SHROOM4: variants seen among roughly 807,000 people sequenced by gnomAD.
SHROOM4 encodes protein Shroom4.
A neutral mutation model predicts 80.3 loss-of-function variants in SHROOM4; 17 were observed. The ratio of observed to expected loss-of-function variants is 0.21; its 90% CI spans 0.14 to 0.32. The LOEUF (loss-of-function observed/expected upper bound fraction) is 0.32. Ranked by LOEUF, SHROOM4 falls within the 10% of genes least tolerant of loss-of-function variation. The probability of loss-of-function intolerance (pLI) is 1.00; values close to 1 mark genes in which losing one functional copy is unlikely to be tolerated. For missense variants in SHROOM4, 993 were observed against 1,140.3 expected, an observed-to-expected ratio of 0.87 and a Z score of 1.86; for synonymous variants, 400 against 437.5, an observed-to-expected ratio of 0.91 and a Z score of 1.07.
At chrX:50,725,135 G>A (rs1934216448) in intron 1 of SHROOM4, among the ~76,000 whole-genome samples, 1 of 111,976 alleles carries the variant, frequency 8.9e-6, no homozygotes, top group Non-Finnish European at 1.9e-5. Flanking sequence ...AAAGAGGAAG[G>A]CTCCCTTTAT....
intron 2 of SHROOM4, among the ~76,000 whole-genome samples, chrX:50,651,517 A>G (rs962429372): frequency 5.4e-5 from 6 of 111,720 alleles, no homozygotes; most frequent in Non-Finnish European, 1.1e-4. Flanking sequence ...TAGGAAAGAA[A>G]ATTCTGGGGA....
intron 2 of SHROOM4, among the ~76,000 whole-genome samples, chrX:50,676,738 T>A (rs957389321): frequency 2.7e-5 from 3 of 110,433 alleles, no homozygotes; most frequent in African/African-American, 9.8e-5. Context: ...GTGCAAGGGA[T>A]ATAAGCCCTT....
At position 50,633,576 on chromosome X, in the gene SHROOM4, C is replaced by T. The variant is rs61751944; in HGVS notation, c.2497G>A (p.Ala833Thr). ...TCTGTGGCATGATATGGTTGGTCTG[C>T]GGAATGATATGATTGGTCCATGGGA... ...RHPMDQSYHS[A>T]DQPYHATDQS... Residue 833 changes from alanine (A) to threonine (T), a missense_variant, in exon 4 of 9, where the codon GCA becomes ACA. Physicochemically the swap from Ala to Thr is moderately conservative, Grantham distance 58. Coordinates refer to ENST00000376020, the MANE Select transcript of SHROOM4 (RefSeq NM_020717.5). The T allele has an allele frequency of 2.9e-3, 3,476 of 1,209,897 alleles. 60 individuals carry two copies. In the African/African-American group the frequency reaches 0.054, roughly 19 times the overall value.
At chrX:50,773,599 T>G (rs1283902072) in intron 1 of SHROOM4, among the ~76,000 whole-genome samples, 1 of 112,390 alleles carries the variant, frequency 8.9e-6, no homozygotes, top group Non-Finnish European at 1.9e-5. Flanking sequence ...AGTACATGAC[T>G]TAGAGAATAC....
chrX:50,717,041 T>C (rs1557264918), intron 1 of SHROOM4, among the ~76,000 whole-genome samples: 2 of 112,451 alleles, frequency 1.8e-5, no homozygotes, highest in South Asian at 7.4e-4. Context: ...TTCTTAAAGA[T>C]AGGGCTCCAG....
chrX:50,639,319 G>C (rs1325859609), intron 2 of SHROOM4, among the ~76,000 whole-genome samples: 5 of 110,364 alleles, frequency 4.5e-5, no homozygotes, highest in Admixed American at 9.7e-5. Context: ...AATGGAGAGA[G>C]AGAGATGCTG....
chrX:50,741,009 G>A (rs1557267175), intron 1 of SHROOM4, among the ~76,000 whole-genome samples: 1 of 110,974 alleles, frequency 9.0e-6, no homozygotes, highest in Admixed American at 9.7e-5. Flanking sequence ...TCTGTATGTG[G>A]ACAACCAGTT....
At chrX:50,651,724 C>T (rs782512107) in intron 2 of SHROOM4, among the ~76,000 whole-genome samples, 3 of 110,762 alleles carry the variant, frequency 2.7e-5, no homozygotes, top group Admixed American at 9.6e-5. Flanking sequence ...TAATGCTATC[C>T]CTCCCCTAGC....
intron 2 of SHROOM4, among the ~76,000 whole-genome samples, chrX:50,690,898 C>T (rs990432669): frequency 2.4e-4 from 27 of 112,172 alleles, no homozygotes; most frequent in Non-Finnish European, 1.7e-4. Flanking sequence ...ACCCAGGAGG[C>T]GGAGGTTATA....
intron 5 of SHROOM4, among the ~76,000 whole-genome samples, chrX:50,612,165 T>C (rs1267837985): frequency 9.3e-6 from 1 of 108,058 alleles, no homozygotes; most frequent in Non-Finnish European, 1.9e-5. Context: ...ATGAAACAGA[T>C]TAACCACTTG....
chrX:50,779,003 C>T (rs1935569336), intron 1 of SHROOM4, among the ~76,000 whole-genome samples: 1 of 112,028 alleles, frequency 8.9e-6, no homozygotes, highest in African/African-American at 3.3e-5. Context: ...CTTAGAACAG[C>T]ATCTGGCCGA....
At chrX:50,618,710 T>C (rs1930444146) in intron 5 of SHROOM4, among the ~76,000 whole-genome samples, 1 of 111,660 alleles carries the variant, frequency 9.0e-6, no homozygotes. Flanking sequence ...TGCCAAGTGT[T>C]GGGCCCCGTG....
chrX:50,577,337 A>T, the SHROOM4 span, among the ~76,000 whole-genome samples: 2 of 113,137 alleles, frequency 1.8e-5, no homozygotes, highest in African/African-American at 6.4e-5. Context: ...GTTTTATTTT[A>T]GAACTGTTAT....
intron 1 of SHROOM4, among the ~76,000 whole-genome samples, chrX:50,725,367 C>A (rs913550508): frequency 1.8e-5 from 2 of 112,026 alleles, no homozygotes; most frequent in African/African-American, 6.5e-5. Context: ...TACTAAGGCC[C>A]CAATCACCTC....
chrX:50,630,781 T>A lies in SHROOM4; in HGVS notation c.2895+2397A>T, dbSNP rs201610475. Among the ~76,000 whole-genome samples the A allele has an allele frequency of 1.3e-4, 15 of 111,816 alleles. No homozygotes were observed. The East Asian group carries it at 4.2e-3, about 31-fold the overall frequency. On this transcript the variant is annotated intron_variant, in intron 4 of 8. Transcript: ENST00000376020. ...TTGAAAACAACTATATCCCCATAAA[T>A]TTTAAAATGTAAATGAAATGGACAA...
rs782663798 is a variant in SHROOM4, at chrX:50,596,410, G to T, written c.*285C>A. On this transcript the variant is annotated 3_prime_UTR_variant, in exon 9 of 9. Transcript: ENST00000376020. Reference sequence around the variant, plus strand: ...CAAAGCAGAATGAAGGCACTTCCTTGGTTCTCTGTGCAGCAAGTACTTGCC... The same window carrying T: ...CAAAGCAGAATGAAGGCACTTCCTTTGTTCTCTGTGCAGCAAGTACTTGCC... The T allele has an allele frequency of 2.3e-5, 11 of 473,249 alleles. No individual in the cohort carries two copies. The South Asian group carries it at 2.8e-4, about 12-fold the overall frequency. The allele number at this position is 473,249 out of a possible 1,213,427, so 39.0% of individuals were successfully genotyped here.
chrX:50,576,002 C>T, the SHROOM4 span, among the ~76,000 whole-genome samples: 7 of 111,656 alleles, frequency 6.3e-5, no homozygotes, highest in Non-Finnish European at 1.9e-5. Flanking sequence ...CTTTCAGTGC[C>T]GCTAGGCCTT....
chrX:50,791,446 C>T (rs1374584354), intron 1 of SHROOM4, among the ~76,000 whole-genome samples: 2 of 109,017 alleles, frequency 1.8e-5, no homozygotes, highest in Non-Finnish European at 3.8e-5. Flanking sequence ...CAGGGTCTCA[C>T]TCTTTTACCC....
At chrX:50,649,743 TG>T (rs1343317375) in intron 2 of SHROOM4, 1 of 112,620 alleles carries the variant, frequency 8.9e-6, no homozygotes, top group African/African-American at 3.2e-5. Context: ...GTATTTTTAC[TG>T]CAATTAGTGG....
Sources: gnomAD v4.1 joint callset for allele counts (sites outside exome capture counted in the v4.1 genomes callset) on GRCh38, gnomAD v4.1.1 for gene constraint, MANE v1.5 for transcripts, NCBI Gene and HGNC (gene_info 2026-07-23, HGNC 2026-07-21) for gene names.